The following PTCH1 variants were observed in gnomAD, a reference collection of about 807,000 sequenced individuals.
The protein encoded by PTCH1 is protein patched homolog 1.
A neutral mutation model predicts 144.6 loss-of-function variants in PTCH1; 14 were observed. That is an observed-to-expected ratio of 0.10 (90% confidence interval 0.06 to 0.15). The LOEUF (loss-of-function observed/expected upper bound fraction) is 0.15, where lower values mean the gene tolerates loss of function less well. PTCH1 is among the 10% of genes least tolerant of loss of function. The pLI, the probability that PTCH1 is intolerant of heterozygous loss-of-function variation, is 1.00. For synonymous variants in PTCH1, 833 were observed against 793.6 expected (o/e 1.05, Z -0.83); for missense variants, 1,623 against 1,948.3 (o/e 0.83, Z 3.14).
At chr9:95,468,730 C>T (rs1334834333) in intron 14 of PTCH1, 21 bp downstream of exon 14, 5 of 1,612,180 alleles carry the variant, frequency 3.1e-6, no homozygotes, top group Non-Finnish European at 3.4e-6. Context: ...ACAGGAAGAG[C>T]CTTAAGTTGT....
At chr9:95,479,404 T>G (rs1390951747) in intron 7 of PTCH1, among the ~76,000 whole-genome samples, 1 of 152,210 alleles carries the variant, frequency 6.6e-6, no homozygotes, top group African/African-American at 2.4e-5. Flanking sequence ...CTTTCACAGT[T>G]TCCATTCCAT....
chr9:95,508,565 C>G lies in PTCH1; in HGVS notation c.-204G>C. ...CGGCGGGCGCTGCTGCCGCTGCGGCCGCGGCCGCTGCCGGGGAGTCAGACC... is the reference window on the plus strand; with the variant it reads ...CGGCGGGCGCTGCTGCCGCTGCGGCGGCGGCCGCTGCCGGGGAGTCAGACC... On this transcript the variant is annotated 5_prime_UTR_variant, in exon 1 of 24. Coordinates refer to ENST00000331920, the MANE Select transcript of PTCH1 (RefSeq NM_000264.5). 8.0e-6 allele frequency: 8 copies of G among 1,003,240 alleles called. No homozygotes were observed. Among genetic ancestry groups the G allele is most frequent in the South Asian group, 4.6e-5 (1 of 21,644 alleles). The allele number at this position is 1,003,240 out of a possible 1,614,324, so 62.1% of individuals were successfully genotyped here. A position where few individuals can be genotyped will look rare whatever the true frequency, so the allele number is the denominator to read the frequency against.
rs2118265799 is a variant in PTCH1, at chr9:95,476,196, G to A, written c.1603-37C>T. 1 of 1,598,906 alleles carries A rather than the reference G, an allele frequency of 6.3e-7. No individual in the cohort carries two copies. Among genetic ancestry groups the A allele is most frequent in the Non-Finnish European group, 8.5e-7 (1 of 1,174,100 alleles). On this transcript the variant is annotated intron_variant, in intron 11 of 23. Transcript: ENST00000331920. This position sits in a 1 kb window ranked among gnomAD's most constrained non-coding sequence, Gnocchi z 4.6. ...AAAACACAGCGCTGAGAGCTGCACT[G>A]GACATGGTCCCCTTGGAGCACAGAC... is the stretch of plus-strand genomic sequence containing the variant.
At position 95,468,668 on chromosome 9, in the gene PTCH1, G is replaced by A. The variant is rs2118011260; in HGVS notation, c.2250+83C>T. On this transcript the variant is annotated intron_variant, in intron 14 of 23. Coordinates refer to ENST00000331920, the MANE Select transcript of PTCH1 (RefSeq NM_000264.5). ...TTTTTTTTTTTTTAAGGAAAAAGAA[G>A]AAAAGTAGAAGCAATCTGATGAACT... is the stretch of plus-strand genomic sequence containing the variant. The A allele has an allele frequency of 2.6e-6, 4 of 1,539,568 alleles. No homozygotes were observed. The South Asian group carries it at 4.7e-5, about 18-fold the overall frequency.
At chr9:95,505,444 G>A (rs1843498826) in intron 2 of PTCH1, among the ~76,000 whole-genome samples, 1 of 152,056 alleles carries the variant, frequency 6.6e-6, no homozygotes, top group African/African-American at 2.4e-5. Context: ...GAAACCAGCG[G>A]GGGAAAAAAA....
chr9:95,492,281 CATT>C (rs1842464004), intron 2 of PTCH1, among the ~76,000 whole-genome samples: 3 of 152,130 alleles, frequency 2.0e-5, no homozygotes, highest in African/African-American at 7.2e-5. Flanking sequence ...ACCCTGAACA[CATT>C]ATTTTTTTCA....
At chr9:95,502,583 A>G (rs985452626) in intron 2 of PTCH1, among the ~76,000 whole-genome samples, 1 of 152,232 alleles carries the variant, frequency 6.6e-6, no homozygotes, top group Non-Finnish European at 1.5e-5. Flanking sequence ...GACAATTTTG[A>G]TTAGCAAACA....
rs76680410 is a variant in PTCH1 at position 95,494,164 on chromosome 9, G to A, written c.395-8290C>T. ...CGGGGTTCTGCAACGCGCATGCGCC[G>A]GAAGCAAGCTTCCCCGCCCCCACCA... On this transcript the variant is annotated intron_variant, in intron 2 of 23. Coordinates refer to ENST00000331920, the MANE Select transcript of PTCH1 (RefSeq NM_000264.5). 8.6e-4 allele frequency: 845 copies of A among 979,238 alleles called. 6 individuals are homozygous for A. In the African/African-American group the frequency reaches 0.014, roughly 16 times the overall value. The allele number at this position is 979,238 out of a possible 1,614,324, so 60.7% of individuals were successfully genotyped here.
At chr9:95,460,096 A>G in intron 16 of PTCH1, 1 of 422,936 alleles carries the variant, frequency 2.4e-6, no homozygotes, top group South Asian at 2.1e-5. Flanking sequence ...CTGGAGAAAC[A>G]TATTTATAGG....
chr9:95,510,821 G>C (rs1004063643), upstream of PTCH1, among the ~76,000 whole-genome samples: 1 of 151,390 alleles, frequency 6.6e-6, no homozygotes, highest in Non-Finnish European at 1.5e-5. Context: ...AGCTCCGGTG[G>C]CCACGTGACC....
At chr9:95,511,372 C>T (rs567803978), upstream of PTCH1, among the ~76,000 whole-genome samples, 29 of 152,336 alleles carry the variant, frequency 1.9e-4, no homozygotes, top group African/African-American at 6.7e-4. Context: ...TCCTCCTCCC[C>T]GGCTTCAGGG....
At chr9:95,456,548 G>T in intron 18 of PTCH1, 135 bp from the exon 19 acceptor site, 1 of 1,230,556 alleles carries the variant, frequency 8.1e-7, no homozygotes, top group Non-Finnish European at 1.1e-6. Flanking sequence ...TTTAACTCTG[G>T]ACACTGCCTT....
chr9:95,453,410 G>C (rs558097266), intron 20 of PTCH1, 68 bp downstream of exon 20: 6 of 1,605,574 alleles, frequency 3.7e-6, no homozygotes, highest in Non-Finnish European at 5.1e-6. Context: ...GATTACAGGC[G>C]TGAGCCACTG....
intron 2 of PTCH1, chr9:95,494,128 A>C (rs1842632817): frequency 8.1e-6 from 7 of 863,254 alleles, no homozygotes; most frequent in Non-Finnish European, 9.7e-6. Flanking sequence ...GGTAGTGCGC[A>C]GGCGCTCGCG....
In PTCH1 at chr9:95,456,350, G is replaced by A. The variant is rs2136649024; in HGVS notation, c.3232C>T (p.Leu1078Phe). 1.2e-6 allele frequency: 2 copies of A among 1,614,144 alleles called. No homozygotes were observed. Among genetic ancestry groups the A allele is most frequent in the African/African-American group, 1.3e-5 (1 of 75,066 alleles). ...FGMMGLIGIK[L>F]SAVPVVILIA... ...AGGATGACCACGGGCACGGCACTGA[G>A]CTTGATTCCGATGAGGCCCATCATG... Residue 1078 changes from leucine to phenylalanine, a missense_variant, in exon 19 of 24, where the codon CTC becomes TTC. By Grantham distance (22) the Leu-to-Phe change is conservative (BLOSUM62 0). This residue lies in a region of PTCH1 where 504 missense variants were observed against 679.3 expected (regional missense o/e 0.74). Transcript: ENST00000331920.
intron 10 of PTCH1, among the ~76,000 whole-genome samples, chr9:95,477,304 A>G (rs1002570521): frequency 6.6e-6 from 1 of 152,232 alleles, no homozygotes; most frequent in Admixed American, 6.5e-5. Context: ...GGTCAATGAC[A>G]TACATTCCTA....
chr9:95,508,911 C>T lies in PTCH1; in HGVS notation c.-550G>A, dbSNP rs1843980401. ...CGCCGCGGGGTCCGAGGGTGCCCGG[C>T]GGGTCTCAGCGCTGCCGGGCCCGGG... On this transcript the variant is annotated 5_prime_UTR_variant, in exon 1 of 24. Coordinates refer to ENST00000331920, the MANE Select transcript of PTCH1 (RefSeq NM_000264.5). Among the ~76,000 whole-genome samples the T allele has an allele frequency of 1.3e-5, 2 of 151,096 alleles. No homozygotes were observed. Among genetic ancestry groups the T allele is most frequent in the Non-Finnish European group, 3.0e-5 (2 of 67,726 alleles).
chr9:95,446,484 T>C, intron 23 of PTCH1, 93 bp from the exon 24 acceptor site: 1 of 492,050 alleles, frequency 2.0e-6, no homozygotes, highest in Non-Finnish European at 4.0e-6. Context: ...GTAACCTTGG[T>C]ATTAGAAATC....
rs527637037 is a variant in PTCH1 at position 95,492,628 on chromosome 9, A to AT, written c.395-6755dup. On this transcript the variant is annotated intron_variant, in intron 2 of 23. Coordinates refer to ENST00000331920, the MANE Select transcript of PTCH1 (RefSeq NM_000264.5). ...GCTTTCTCATCATGCTTATGTGTGA[A>AT]TATCACCCCCCCTTAAAAAAATCCA... is the stretch of plus-strand genomic sequence containing the variant. 2.8e-4 allele frequency among the ~76,000 whole-genome samples: 43 copies of AT among 152,100 alleles called. No homozygotes were observed. In the East Asian group the frequency reaches 5.0e-3, roughly 18 times the overall value.
Sources: allele counts gnomAD v4.1 joint callset (sites outside exome capture counted in the v4.1 genomes callset), GRCh38; gene constraint gnomAD v4.1.1; regional missense constraint gnomAD v4.1.1; non-coding constraint Gnocchi (gnomAD v3.1); transcripts MANE v1.5; gene names NCBI Gene and HGNC (gene_info 2026-07-23, HGNC 2026-07-21).